IQCC: variants seen among roughly 807,000 people sequenced by gnomAD.
IQCC encodes IQ motif containing C.
A neutral mutation model predicts 27.0 loss-of-function variants in IQCC; 23 were observed. The ratio of observed to expected loss-of-function variants is 0.85; its 90% CI spans 0.61 to 1.21. The LOEUF (loss-of-function observed/expected upper bound fraction) is 1.21, where lower values mean the gene tolerates loss of function less well. Ranked by LOEUF, IQCC falls within the 50% of genes most tolerant of loss-of-function variation. IQCC has a pLI of 0.00. For missense variants in IQCC, 552 were observed against 562.3 expected, an observed-to-expected ratio of 0.98 and a Z score of 0.19; for synonymous variants, 220 against 217.2, an observed-to-expected ratio of 1.01 and a Z score of -0.11.
At position 32,207,063 on chromosome 1, in the gene IQCC, C is replaced by T. The variant is rs1288302906; in HGVS notation, c.501C>T (p.Arg167=). 2 of 1,613,664 alleles carry T rather than the reference C, an allele frequency of 1.2e-6. No individual in the cohort carries two copies. Among genetic ancestry groups the T allele is most frequent in the Non-Finnish European group, 8.5e-7 (1 of 1,179,748 alleles). Residue 167 remains arginine, a synonymous_variant, in exon 4 of 5, where the codon CGC becomes CGT. Transcript: ENST00000291358. ...AGCTTCAAGAGCTTCAGTACCACCG[C>T]AGCCACTTGGCCATGGAATTGCTGT... The part of the protein sequence containing the change: ...QPQLQELQYH[R]SHLAMELLWL...
At chr1:32,207,179 A>G in intron 4 of IQCC, 59 bp downstream of exon 4, 1 of 1,601,940 alleles carries the variant, frequency 6.2e-7, no homozygotes, top group Non-Finnish European at 8.5e-7. Context: ...GGTTAGGGAG[A>G]GACGACCTGC....
chr1:32,205,980 A>T lies in IQCC; in HGVS notation c.43-174A>T, dbSNP rs1019999025. 2 of 1,558,300 alleles carry T rather than the reference A, an allele frequency of 1.3e-6. No homozygotes were observed. Among genetic ancestry groups the T allele is most frequent in the African/African-American group, 1.4e-5 (1 of 73,318 alleles). On this transcript the variant is annotated intron_variant, in intron 1 of 4. Coordinates refer to ENST00000291358, the MANE Select transcript of IQCC (RefSeq NM_018134.3). The surrounding 1 kb of genome is among the most constrained non-coding windows in gnomAD (Gnocchi z 5.6). ...AGCCTTAAGGCGAGGAGGGGCATCC[A>T]GTCTGGCATCGTCCCTCGAGCCCCC... is the stretch of plus-strand genomic sequence containing the variant.
rs754803420 is a variant in IQCC at position 32,206,615 on chromosome 1, G to A, written c.293G>A (p.Trp98Ter). The A allele has an allele frequency of 2.2e-5, 35 of 1,614,104 alleles. No homozygotes were observed. In the African/African-American group the frequency reaches 4.5e-4, roughly 21 times the overall value. Reference protein sequence around the residue: ...PCEESEGEATWEEMVLKKSGE... With the variant: ...PCEESEGEAT ...GAAGAGTCTGAGGGAGAGGCCACCT[G>A]GGAGGAGATGGTGCTGAAGAAGTCA... is the stretch of plus-strand genomic sequence containing the variant. The change falls in exon 3 of 5, where the codon TGG (tryptophan) becomes TAG (stop). Residue 98 changes from tryptophan to a stop codon, truncating the protein, a stop_gained. Transcript: ENST00000291358. LOFTEE classifies it high-confidence loss of function.
At position 32,207,964 on chromosome 1, in the gene IQCC, A is replaced by G. The variant is rs1181766186; in HGVS notation, c.1283A>G (p.Lys428Arg). ...GAGCCTAGTCATGAAGGACAGAAAA[A>G]GCAGAGGACTATACCATGGAGATCA... ...SNEPSHEGQKKQRTIPWRSKS... is the reference protein window; with the variant it reads ...SNEPSHEGQKRQRTIPWRSKS... The change falls in exon 5 of 5, where the codon AAG (lysine) becomes AGG (arginine). Residue 428 changes from lysine (K) to arginine (R), a missense_variant. Lys to Arg is a conservative substitution (Grantham distance 26). Transcript: ENST00000291358. 6.2e-7 allele frequency: 1 copy of G among 1,614,090 alleles called. No homozygotes were observed. The highest frequency in any genetic ancestry group is 1.1e-5 in the South Asian group (1 of 91,086).
chr1:32,207,188 G>T, intron 4 of IQCC, 52 bp from the exon 5 acceptor site: 2 of 1,603,754 alleles, frequency 1.2e-6, no homozygotes, highest in Non-Finnish European at 1.7e-6. Flanking sequence ...GAGACGACCT[G>T]CCATGCCCAA....
chr1:32,207,242 C>G lies in IQCC; in HGVS notation c.561C>G (p.Tyr187Ter), dbSNP rs752807316. ...LQQAINSRKE[Y>*]LLLKQTLRSP... ...ATGTATGTTCTCTCCCCCAACAGTA[C>G]CTACTTCTTAAACAAACACTGAGAT... Residue 187 changes from tyrosine (Y) to a stop codon, truncating the protein, a stop_gained and splice_region_variant, in exon 5 of 5, where the codon TAC becomes TAG. Transcript: ENST00000291358. LOFTEE classifies it low-confidence loss of function (END_TRUNC). 1 of 1,614,044 alleles carries G rather than the reference C, an allele frequency of 6.2e-7. No individual in the cohort carries two copies. Among genetic ancestry groups the G allele is most frequent in the Non-Finnish European group, 8.5e-7 (1 of 1,179,956 alleles).
rs1643389565 is a variant in IQCC at position 32,207,345 on chromosome 1, T to TCA, written c.667_668dup (p.Gln223HisfsTer20). 1 of 1,613,572 alleles carries TCA rather than the reference T, an allele frequency of 6.2e-7. No homozygotes were observed. The highest frequency in any genetic ancestry group is 1.3e-5 in the African/African-American group (1 of 74,754). ...GGAACAGGCCTGTGAGAGGGACCAG[T>TCA]CACAACCAAGCGCACCACTGGAGGA... On this transcript the variant is annotated frameshift_variant, in exon 5 of 5. Coordinates refer to ENST00000291358, the MANE Select transcript of IQCC (RefSeq NM_018134.3). LOFTEE classifies it low-confidence loss of function (END_TRUNC).
rs1436461116 is a variant in IQCC at position 32,207,268 on chromosome 1, C to T, written c.587C>T (p.Ser196Phe). Residue 196 changes from serine to phenylalanine, a missense_variant, in exon 5 of 5, where the codon TCC becomes TTC. Coordinates refer to ENST00000291358, the MANE Select transcript of IQCC (RefSeq NM_018134.3). The stretch of plus-strand genomic sequence containing the variant: ...CTACTTCTTAAACAAACACTGAGAT[C>T]CCCAGAGGCGGGCCCGATCAGAGAG... ...EYLLLKQTLR[S>F]PEAGPIREEP... 1 of 1,614,056 alleles carries T rather than the reference C, an allele frequency of 6.2e-7. No individual in the cohort carries two copies. Among genetic ancestry groups the T allele is most frequent in the South Asian group, 1.1e-5 (1 of 91,074 alleles).
At position 32,206,357 on chromosome 1, in the gene IQCC, C is replaced by A. The variant is rs76174970; in HGVS notation, c.186+60C>A. On this transcript the variant is annotated intron_variant, in intron 2 of 4. Transcript: ENST00000291358. ...CTTGGGCAGGGTGGAACCCACCCTT[C>A]CCAGTGATAAGCTTTTCTCACTGGA... 1,264 of 1,605,158 alleles carry A rather than the reference C, an allele frequency of 7.9e-4. 11 individuals carry two copies. The African/African-American group carries it at 0.014, about 18-fold the overall frequency.
chr1:32,207,413 G>T lies in IQCC; in HGVS notation c.732G>T (p.Glu244Asp). The change falls in exon 5 of 5, where the codon GAG (glutamate) becomes GAT (aspartate). Residue 244 changes from glutamate (E) to aspartate (D), a missense_variant. Physicochemically the swap from Glu to Asp is conservative, Grantham distance 45. Coordinates refer to ENST00000291358, the MANE Select transcript of IQCC (RefSeq NM_018134.3). The part of the protein sequence containing the change: ...RDRTTGELEQ[E>D]DDSCHRVKSP... ...GGACCACTGGAGAGCTAGAACAGGA[G>T]GATGACTCCTGTCACAGGGTCAAAT... 1 of 1,613,976 alleles carries T rather than the reference G, an allele frequency of 6.2e-7. No homozygotes were observed. Among genetic ancestry groups the T allele is most frequent in the South Asian group, 1.1e-5 (1 of 91,086 alleles).
Position 32,207,911 on chromosome 1 carries a change from T to C in IQCC, c.1230T>C (p.Asp410=), listed in dbSNP as rs36068145. 7.1e-4 allele frequency: 1,143 copies of C among 1,614,082 alleles called. 7 individuals are homozygous for C. The African/African-American group carries it at 0.013, about 18-fold the overall frequency. The change falls in exon 5 of 5, where the codon GAT becomes GAC. Residue 410 remains aspartate (D), a synonymous_variant. Coordinates refer to ENST00000291358, the MANE Select transcript of IQCC (RefSeq NM_018134.3). Reference sequence around the variant, plus strand: ...CACCCAAAGGCCAGGCCCCCACTGATAGAAGCTCCAGAGATGGAACCTCCA... The same window carrying C: ...CACCCAAAGGCCAGGCCCCCACTGACAGAAGCTCCAGAGATGGAACCTCCA... ...TKPPKGQAPT[D]RSSRDGTSNE...
At position 32,207,785 on chromosome 1, in the gene IQCC, AGT is replaced by A; in HGVS notation, c.1105_1106del (p.Val369GlnfsTer24). The part of the protein sequence containing the change: ...LDHKEPDCRT[V>X]RTQELGLSED... ...ACCACAAAGAGCCTGACTGCCGAAC[AGT>A]CAGGACACAAGAGTTGGGCCTCTCA... is the stretch of plus-strand genomic sequence containing the variant. On this transcript the variant is annotated frameshift_variant, in exon 5 of 5. Coordinates refer to ENST00000291358, the MANE Select transcript of IQCC (RefSeq NM_018134.3). LOFTEE classifies it low-confidence loss of function (END_TRUNC). 6.2e-7 allele frequency: 1 copy of A among 1,614,074 alleles called. No homozygotes were observed. The highest frequency in any genetic ancestry group is 8.5e-7 in the Non-Finnish European group (1 of 1,180,004).
chr1:32,206,306 C>T lies in IQCC; in HGVS notation c.186+9C>T, dbSNP rs369116917. Reference sequence around the variant, plus strand: ...CGCGATTCCTCCCAGAGGTAGAACACACCTAGGAGAGAAGGGAAGGAGGGA... The same window carrying T: ...CGCGATTCCTCCCAGAGGTAGAACATACCTAGGAGAGAAGGGAAGGAGGGA... On this transcript the variant is annotated intron_variant, in intron 2 of 4. Coordinates refer to ENST00000291358, the MANE Select transcript of IQCC (RefSeq NM_018134.3). 16 of 1,612,882 alleles carry T rather than the reference C, an allele frequency of 9.9e-6. No individual in the cohort carries two copies. The highest frequency in any genetic ancestry group is 1.3e-5 in the Non-Finnish European group (15 of 1,179,072).
rs752060024 is a variant in IQCC, at chr1:32,207,405, G to C, written c.724G>C (p.Glu242Gln). The part of the protein sequence containing the change: ...SYRDRTTGEL[E>Q]QEDDSCHRVK... ...CAGAGACAGGACCACTGGAGAGCTA[G>C]AACAGGAGGATGACTCCTGTCACAG... The change falls in exon 5 of 5, where the codon GAA becomes CAA. Residue 242 changes from glutamate to glutamine, a missense_variant. Coordinates refer to ENST00000291358, the MANE Select transcript of IQCC (RefSeq NM_018134.3). The C allele has an allele frequency of 1.9e-6, 3 of 1,613,962 alleles. No individual in the cohort carries two copies. In the Admixed American group the frequency reaches 5.0e-5, roughly 27 times the overall value.
chr1:32,205,789 G>T lies in IQCC; in HGVS notation c.42+66G>T. Reference sequence around the variant, plus strand: ...GGGAAATCATGGGGTCTCGTACCTGGACCTCCCAGCGAGATGCTACCACGT... The same window carrying T: ...GGGAAATCATGGGGTCTCGTACCTGTACCTCCCAGCGAGATGCTACCACGT... On this transcript the variant is annotated intron_variant, in intron 1 of 4. Transcript: ENST00000291358. The surrounding 1 kb of genome is among the most constrained non-coding windows in gnomAD (Gnocchi z 5.6). The T allele has an allele frequency of 6.3e-7, 1 of 1,592,478 alleles. No homozygotes were observed.
In IQCC at chr1:32,208,061, G is replaced by A. The variant is rs1400210172; in HGVS notation, c.1380G>A (p.Trp460Ter). ...TGEEQWRGRP[W>*]KTEPPG ...AGGAACAGTGGAGGGGCAGGCCATG[G>A]AAAACAGAACCACCTGGCTAGACCC... is the stretch of plus-strand genomic sequence containing the variant. Residue 460 changes from tryptophan (W) to a stop codon, truncating the protein, a stop_gained, in exon 5 of 5, where the codon TGG (tryptophan) becomes TGA (stop). Coordinates refer to ENST00000291358, the MANE Select transcript of IQCC (RefSeq NM_018134.3). LOFTEE classifies it high-confidence loss of function. 6.2e-7 allele frequency: 1 copy of A among 1,612,046 alleles called. No homozygotes were observed.
rs1017158095 is a variant in IQCC, at chr1:32,205,828, T to G, written c.42+105T>G. The G allele has an allele frequency of 2.6e-6, 4 of 1,564,350 alleles. No homozygotes were observed. Among genetic ancestry groups the G allele is most frequent in the Middle Eastern group, 1.7e-4 (1 of 6,020 alleles). ...ATGCTACCACGTTCAGTCCCCTAAC[T>G]GCGCGCCAACCTCTGGAGATACCGG... On this transcript the variant is annotated intron_variant, in intron 1 of 4. Coordinates refer to ENST00000291358, the MANE Select transcript of IQCC (RefSeq NM_018134.3). This position sits in a 1 kb window ranked among gnomAD's most constrained non-coding sequence, Gnocchi z 5.6.
Position 32,207,809 on chromosome 1 carries a change from C to T in IQCC, c.1128C>T (p.Leu376=), listed in dbSNP as rs1643417051. The T allele has an allele frequency of 2.5e-6, 4 of 1,614,124 alleles. No individual in the cohort carries two copies. Among genetic ancestry groups the T allele is most frequent in the Non-Finnish European group, 2.5e-6 (3 of 1,180,034 alleles). ...CRTVRTQELG[L]SEDHIIWDGT... is the part of the protein sequence containing the mutation. ...CAGTCAGGACACAAGAGTTGGGCCTCTCAGAGGACCACATCATCTGGGATG... is the reference window on the plus strand; with the variant it reads ...CAGTCAGGACACAAGAGTTGGGCCTTTCAGAGGACCACATCATCTGGGATG... Residue 376 remains leucine (L), a synonymous_variant, in exon 5 of 5, where the codon CTC becomes CTT. Coordinates refer to ENST00000291358, the MANE Select transcript of IQCC (RefSeq NM_018134.3).
Position 32,207,298 on chromosome 1 carries a change from C to A in IQCC, c.617C>A (p.Pro206His). 1 of 1,613,800 alleles carries A rather than the reference C, an allele frequency of 6.2e-7. No homozygotes were observed. The highest frequency in any genetic ancestry group is 1.1e-5 in the South Asian group (1 of 91,070). Residue 206 changes from proline (P) to histidine (H), a missense_variant, in exon 5 of 5, where the codon CCC becomes CAC. Transcript: ENST00000291358. ...GAGGCGGGCCCGATCAGAGAGGAAC[C>A]CCGCGTGTTCCTAGAACATGGGGAA... ...SPEAGPIREE[P>H]RVFLEHGEQA...
Sources: gnomAD v4.1 joint callset for allele counts on GRCh38, gnomAD v4.1.1 for gene constraint, Gnocchi (gnomAD v3.1) non-coding constraint, MANE v1.5 for transcripts, NCBI Gene and HGNC (gene_info 2026-07-23, HGNC 2026-07-21) for gene names.